The following CACNB2 variants were observed in gnomAD, a reference collection of about 807,000 sequenced individuals.
CACNB2 encodes the protein voltage-dependent L-type calcium channel subunit beta-2.
Under a neutral mutation model 73.3 loss-of-function variants are expected in CACNB2, and 42 were observed. The observed-to-expected ratio is 0.57, with a 90% confidence interval of 0.45 to 0.74. The LOEUF is 0.74. Among genes scored for constraint, CACNB2 ranks in the 30% least tolerant of loss-of-function variants. The probability of loss-of-function intolerance (pLI) is 0.00; values close to 1 mark genes in which losing one functional copy is unlikely to be tolerated. For synonymous variants in CACNB2, 348 were observed against 310.3 expected, an observed-to-expected ratio of 1.12 and a Z score of -1.28; for missense variants, 940 against 853.0, an observed-to-expected ratio of 1.10 and a Z score of -1.27.
rs142902380 is a variant in CACNB2, at chr10:18,506,788, G to GTATT, written c.670+263_670+266dup. 0.043 allele frequency among the ~76,000 whole-genome samples: 6,393 copies of GTATT among 149,612 alleles called. 255 individuals are homozygous for GTATT. Among genetic ancestry groups the GTATT allele is most frequent in the South Asian group, 0.16 (771 of 4,776 alleles). ...GCTGTAGATGATCAAAGTGATTAAT[G>GTATT]TATTTATTTATTTATTTATTTATTT... On this transcript the variant is annotated intron_variant, in intron 6 of 13. Coordinates refer to ENST00000324631, the MANE Select transcript of CACNB2 (RefSeq NM_201596.3).
chr10:18,459,518 G>C (rs2047453166), intron 3 of CACNB2, among the ~76,000 whole-genome samples: 1 of 152,216 alleles, frequency 6.6e-6, no homozygotes, highest in African/African-American at 2.4e-5. Context: ...CCAGTTAGGA[G>C]CTAAGAATTT....
chr10:18,226,867 G>A (rs1160865222), intron 2 of CACNB2, among the ~76,000 whole-genome samples: 2 of 152,104 alleles, frequency 1.3e-5, no homozygotes, highest in Admixed American at 1.3e-4. Flanking sequence ...CACTGTACAG[G>A]TCTGCGGTTA....
intron 2 of CACNB2, among the ~76,000 whole-genome samples, chr10:18,198,753 C>T (rs1411560853): frequency 6.6e-6 from 1 of 152,154 alleles, no homozygotes; most frequent in Non-Finnish European, 1.5e-5. Context: ...TTCCTCCACC[C>T]AGCATGACTG....
At chr10:18,368,015 G>A (rs2042426589) in intron 2 of CACNB2, among the ~76,000 whole-genome samples, 1 of 152,128 alleles carries the variant, frequency 6.6e-6, no homozygotes. Context: ...AGGTGCGTTT[G>A]GGGGTACAGT....
At chr10:18,474,309 G>A (rs1397401700) in intron 3 of CACNB2, among the ~76,000 whole-genome samples, 1 of 152,144 alleles carries the variant, frequency 6.6e-6, no homozygotes, top group Non-Finnish European at 1.5e-5. Flanking sequence ...AGTGGAATCT[G>A]GCTCAACGGT....
intron 2 of CACNB2, among the ~76,000 whole-genome samples, chr10:18,227,475 G>T (rs955251585): frequency 3.9e-5 from 6 of 152,168 alleles, no homozygotes; most frequent in African/African-American, 1.4e-4. Context: ...AGAGATGGGG[G>T]TACTAACGTT....
intron 2 of CACNB2, among the ~76,000 whole-genome samples, chr10:18,277,398 G>A (rs1209257052): frequency 2.0e-5 from 3 of 152,222 alleles, no homozygotes; most frequent in Non-Finnish European, 2.9e-5. Context: ...GTTGCCACAA[G>A]TGTATATTCT....
intron 3 of CACNB2, among the ~76,000 whole-genome samples, chr10:18,405,774 A>G (rs567373745): frequency 1.1e-4 from 16 of 152,218 alleles, no homozygotes; most frequent in African/African-American, 3.6e-4. Context: ...CTTGGGCAAC[A>G]TGGTGAAACG....
At chr10:18,208,911 C>T (rs1013869356) in intron 2 of CACNB2, among the ~76,000 whole-genome samples, 8 of 152,112 alleles carry the variant, frequency 5.3e-5, no homozygotes, top group East Asian at 1.9e-4. Flanking sequence ...GAACCCAGGG[C>T]GATGTTGAGT....
chr10:18,378,525 G>C lies in CACNB2; in HGVS notation c.214-23399G>C, dbSNP rs1007590996. On this transcript the variant is annotated intron_variant, in intron 2 of 13. Transcript: ENST00000324631. ...GAACTTTGGGAGGCTAAGGCAGGGG[G>C]ATCACTTGAGCCCAGAAGTTGGAGA... Among the ~76,000 whole-genome samples the C allele has an allele frequency of 2.0e-5, 3 of 152,186 alleles. No homozygotes were observed. The South Asian group carries it at 6.2e-4, about 32-fold the overall frequency.
intron 2 of CACNB2, among the ~76,000 whole-genome samples, chr10:18,255,441 C>T (rs1427812501): frequency 6.6e-6 from 1 of 152,180 alleles, no homozygotes; most frequent in Non-Finnish European, 1.5e-5. Flanking sequence ...GTATTCTGTA[C>T]ATTCATGCAA....
intron 7 of CACNB2, among the ~76,000 whole-genome samples, chr10:18,516,708 A>G (rs2051316230): frequency 6.6e-6 from 1 of 152,244 alleles, no homozygotes; most frequent in African/African-American, 2.4e-5. Context: ...TTCAAAAACA[A>G]AACAACAGCC....
intron 3 of CACNB2, among the ~76,000 whole-genome samples, chr10:18,492,996 A>C (rs2049545494): frequency 6.6e-6 from 1 of 152,212 alleles, no homozygotes; most frequent in Non-Finnish European, 1.5e-5. Context: ...TCACGGATTC[A>C]ACCAACTGTG....
intron 3 of CACNB2, among the ~76,000 whole-genome samples, chr10:18,442,430 G>A (rs1010455896): frequency 2.6e-5 from 4 of 152,064 alleles, no homozygotes; most frequent in African/African-American, 4.8e-5. Flanking sequence ...AATTATAGGC[G>A]TGAGCCACCA....
intron 2 of CACNB2, among the ~76,000 whole-genome samples, chr10:18,332,180 T>C (rs2040831680): frequency 6.6e-6 from 1 of 152,186 alleles, no homozygotes; most frequent in Non-Finnish European, 1.5e-5. Flanking sequence ...TGATACAAGC[T>C]GTCTGTGCCT....
intron 2 of CACNB2, among the ~76,000 whole-genome samples, chr10:18,389,250 C>T (rs1263375312): frequency 6.6e-6 from 1 of 152,174 alleles, no homozygotes. Flanking sequence ...AGTCCTCCTG[C>T]CTCAGCTTCC....
intron 3 of CACNB2, among the ~76,000 whole-genome samples, chr10:18,449,116 G>A (rs2046884866): frequency 1.3e-5 from 2 of 152,226 alleles, no homozygotes; most frequent in African/African-American, 2.4e-5. Flanking sequence ...CAGGTGCGGT[G>A]GCTCACGCCT....
intron 2 of CACNB2, among the ~76,000 whole-genome samples, chr10:18,167,473 G>C (rs1195610417): frequency 6.6e-6 from 1 of 152,110 alleles, no homozygotes; most frequent in African/African-American, 2.4e-5. Context: ...AAACAATAAA[G>C]GATAAAGGCA....
At chr10:18,447,588 G>C (rs1199696842) in intron 3 of CACNB2, among the ~76,000 whole-genome samples, 1 of 152,254 alleles carries the variant, frequency 6.6e-6, no homozygotes, top group African/African-American at 2.4e-5. Context: ...AACGTCAAAT[G>C]CTGCAGAGAG....
Sources: gnomAD v4.1 joint callset for allele counts (sites outside exome capture counted in the v4.1 genomes callset) on GRCh38, gnomAD v4.1.1 for gene constraint, MANE v1.5 for transcripts, NCBI Gene and HGNC (gene_info 2026-07-23, HGNC 2026-07-21) for gene names.